The following GIGYF2 variants were observed in gnomAD, a reference collection of about 807,000 sequenced individuals.
GIGYF2 encodes GRB10 interacting GYF protein 2, also known as GRB10-interacting GYF protein 2.
Under a neutral mutation model 208.1 loss-of-function variants are expected in GIGYF2, and 25 were observed. The ratio of observed to expected loss-of-function variants is 0.12; its 90% CI spans 0.09 to 0.17. The LOEUF is 0.17. Among genes scored for constraint, GIGYF2 ranks in the 10% least tolerant of loss-of-function variants. The pLI is 1.00. For synonymous variants in GIGYF2, 534 were observed against 543.8 expected (o/e 0.98, Z 0.25); for missense variants, 1,302 against 1,579.4 (o/e 0.82, Z 2.98).
At chr2:232,711,896 T>A (rs1026085573) in intron 2 of GIGYF2, among the ~76,000 whole-genome samples, 1 of 151,676 alleles carries the variant, frequency 6.6e-6, no homozygotes, top group South Asian at 2.1e-4. Context: ...TTAGTTGCAA[T>A]ATGAAATCCG....
At chr2:232,711,705 G>GTGTATA (rs147184549) in intron 2 of GIGYF2, among the ~76,000 whole-genome samples, 33 of 115,760 alleles carry the variant, frequency 2.9e-4, no homozygotes, top group African/African-American at 7.3e-4. Flanking sequence ...TCACAATGAT[G>GTGTATA]TATATATATA....
At chr2:232,727,496 G>A (rs1697254979) in intron 2 of GIGYF2, among the ~76,000 whole-genome samples, 1 of 152,182 alleles carries the variant, frequency 6.6e-6, no homozygotes, top group Middle Eastern at 3.2e-3. Flanking sequence ...GTTTACCTCA[G>A]GAAATGGGAA....
At chr2:232,745,007 G>T (rs1698097608) in intron 3 of GIGYF2, among the ~76,000 whole-genome samples, 1 of 152,174 alleles carries the variant, frequency 6.6e-6, no homozygotes, top group African/African-American at 2.4e-5. Context: ...CAGCTTCAGT[G>T]TTCAGTGGAT....
rs1461092110 is a variant in GIGYF2 at position 232,856,933 on chromosome 2, T to TA, written c.*74dup. On this transcript the variant is annotated 3_prime_UTR_variant, in exon 29 of 29. Transcript: ENST00000373563. ...AGTCTCCACCTTTGGACACAACACT[T>TA]ACTCACCATTTACTCTTTATCACTC... The TA allele has an allele frequency of 7.4e-6, 7 of 947,294 alleles. 1 individual carries two copies. The highest frequency in any genetic ancestry group is 5.1e-5 in the Admixed American group (3 of 59,218). 58.7% of individuals were successfully genotyped at this position (947,294 alleles called of 1,614,324 possible).
At chr2:232,822,677 C>T (rs1024972701) in intron 21 of GIGYF2, among the ~76,000 whole-genome samples, 11 of 151,910 alleles carry the variant, frequency 7.2e-5, no homozygotes, top group Middle Eastern at 3.2e-3. Context: ...GACTCTGTCT[C>T]GGAGGGGGAA....
chr2:232,722,983 T>G (rs965073688), intron 2 of GIGYF2, among the ~76,000 whole-genome samples: 1 of 152,134 alleles, frequency 6.6e-6, no homozygotes, highest in Non-Finnish European at 1.5e-5. Context: ...TATTTTAAAA[T>G]TATTTTTTAT....
chr2:232,748,528 G>C (rs1698231460), intron 4 of GIGYF2, among the ~76,000 whole-genome samples: 1 of 152,166 alleles, frequency 6.6e-6, no homozygotes, highest in African/African-American at 2.4e-5. Context: ...CAAGTGATCT[G>C]CCTGCCTTGG....
rs372500923 is a variant in GIGYF2 at position 232,706,915 on chromosome 2, C to T, written c.-44+3426C>T. On this transcript the variant is annotated intron_variant, in intron 2 of 28. Transcript: ENST00000373563. Reference sequence around the variant, plus strand: ...GAGCCGTGATTGCACCACTGCATCCCTACCTGGGTAACAGAGCAAGACCTT... The same window carrying T: ...GAGCCGTGATTGCACCACTGCATCCTTACCTGGGTAACAGAGCAAGACCTT... 3.3e-4 allele frequency among the ~76,000 whole-genome samples: 49 copies of T among 150,614 alleles called. 1 individual carries two copies. In the East Asian group the frequency reaches 3.7e-3, roughly 11 times the overall value.
intron 2 of GIGYF2, chr2:232,730,043 G>A: frequency 1.1e-6 from 1 of 872,582 alleles, no homozygotes; most frequent in Non-Finnish European, 1.9e-6. Context: ...ACCAACGAAG[G>A]GCATAACACA....
At chr2:232,814,549 T>G in intron 18 of GIGYF2, among the ~76,000 whole-genome samples, 8 of 117,862 alleles carry the variant, frequency 6.8e-5, no homozygotes, top group Admixed American at 1.1e-4. Context: ...GGTGACAGAG[T>G]GAGACTCCAC....
At chr2:232,739,174 C>CA (rs1351148774) in intron 3 of GIGYF2, among the ~76,000 whole-genome samples, 1 of 151,272 alleles carries the variant, frequency 6.6e-6, no homozygotes, top group Non-Finnish European at 1.5e-5. Flanking sequence ...GCCTGGCCAA[C>CA]ATGATGAAAC....
chr2:232,819,019 A>G (rs193010515), intron 20 of GIGYF2, among the ~76,000 whole-genome samples: 2 of 151,192 alleles, frequency 1.3e-5, no homozygotes, highest in Non-Finnish European at 2.9e-5. Flanking sequence ...TTCACCATTC[A>G]TGTGCTTGGC....
chr2:232,751,686 G>T (rs566528478), intron 5 of GIGYF2, among the ~76,000 whole-genome samples: 2 of 152,112 alleles, frequency 1.3e-5, no homozygotes, highest in East Asian at 3.9e-4. Context: ...TATATCAGAA[G>T]AGGGAAGAGG....
chr2:232,794,040 A>G (rs1328333057), intron 12 of GIGYF2, among the ~76,000 whole-genome samples: 1 of 152,178 alleles, frequency 6.6e-6, no homozygotes, highest in Non-Finnish European at 1.5e-5. Context: ...ATGGCAAAGA[A>G]TGAGTCAGTG....
intron 20 of GIGYF2, among the ~76,000 whole-genome samples, chr2:232,818,011 C>T (rs758163646): frequency 6.6e-6 from 1 of 152,200 alleles, no homozygotes; most frequent in South Asian, 2.1e-4. Flanking sequence ...CCCAGTGTCT[C>T]CACATTCTCA....
chr2:232,836,367 AATAT>A (rs1388393942), intron 22 of GIGYF2, among the ~76,000 whole-genome samples: 1 of 60,080 alleles, frequency 1.7e-5, no homozygotes, highest in Non-Finnish European at 2.9e-5. Context: ...TATAAATATA[AATAT>A]ATATAAATAT....
intron 8 of GIGYF2, among the ~76,000 whole-genome samples, chr2:232,772,893 T>C (rs1281729510): frequency 1.3e-5 from 2 of 152,318 alleles, no homozygotes; most frequent in East Asian, 3.9e-4. Flanking sequence ...TTTGAGGCTT[T>C]GGAGACTGCC....
chr2:232,818,985 T>C (rs1457346542), intron 20 of GIGYF2, among the ~76,000 whole-genome samples: 1 of 152,130 alleles, frequency 6.6e-6, no homozygotes, highest in Non-Finnish European at 1.5e-5. Context: ...TTTTTTCTTT[T>C]TCTTTTTTTG....
intron 8 of GIGYF2, chr2:232,771,209 G>T: frequency 6.2e-7 from 1 of 1,612,910 alleles, no homozygotes; most frequent in Non-Finnish European, 8.5e-7. Context: ...CAACGCCAGC[G>T]CATGTCCATT....
Sources: gnomAD v4.1 joint callset for allele counts (sites outside exome capture counted in the v4.1 genomes callset) on GRCh38, gnomAD v4.1.1 for gene constraint, MANE v1.5 for transcripts, NCBI Gene and HGNC (gene_info 2026-07-23, HGNC 2026-07-21) for gene names.